Variants in SH3KBP1 observed in about 807,000 individuals in gnomAD.
SH3KBP1 encodes the protein SH3 domain containing kinase binding protein 1.
A neutral mutation model predicts 50.1 loss-of-function variants in SH3KBP1; 8 were observed. That is an observed-to-expected ratio of 0.16 (90% confidence interval 0.09 to 0.29). The LOEUF is 0.29. Among genes scored for constraint, SH3KBP1 ranks in the 10% least tolerant of loss-of-function variants. The pLI, the probability that SH3KBP1 is intolerant of heterozygous loss-of-function variation, is 1.00. For missense variants in SH3KBP1, 377 were observed against 535.2 expected, an observed-to-expected ratio of 0.70 and a Z score of 2.92; for synonymous variants, 227 against 218.6, an observed-to-expected ratio of 1.04 and a Z score of -0.34.
rs185844493 is a variant in SH3KBP1 at position 19,837,047 on chromosome X, T to C, written c.5-765A>G. 8.5e-3 allele frequency among the ~76,000 whole-genome samples: 950 copies of C among 112,136 alleles called. 16 individuals are homozygous for C. Among genetic ancestry groups the C allele is most frequent in the African/African-American group, 0.029 (899 of 30,817 alleles). On this transcript the variant is annotated intron_variant, in intron 1 of 17. Transcript: ENST00000397821. Reference sequence around the variant, plus strand: ...ACTGAGTCAATTAAACCTCTTTCCTTTATAAATTACCCAATCTTGGGTATG... The same window carrying C: ...ACTGAGTCAATTAAACCTCTTTCCTCTATAAATTACCCAATCTTGGGTATG...
chrX:19,595,084 T>C (rs911443073), intron 9 of SH3KBP1, 84 bp from the exon 10 acceptor site: 38 of 715,161 alleles, frequency 5.3e-5, no homozygotes, highest in Admixed American at 7.0e-5. Flanking sequence ...TTGTTTTCTA[T>C]GTGCAGTTTG....
At chrX:19,787,079 CT>C (rs2066371674) in intron 2 of SH3KBP1, among the ~76,000 whole-genome samples, 2 of 111,373 alleles carry the variant, frequency 1.8e-5, no homozygotes, top group Admixed American at 9.6e-5. Flanking sequence ...AGCTGGTATT[CT>C]CCCTCCTCTC....
intron 1 of SH3KBP1, among the ~76,000 whole-genome samples, chrX:19,874,068 A>AAAAAAAAAAAAAATAT (rs1491537486): frequency 1.8e-4 from 10 of 57,025 alleles, no homozygotes; most frequent in African/African-American, 1.4e-3. Context: ...AAAAAAAAAA[A>AAAAAAAAAAAAAATAT]ATATATATAT....
intron 9 of SH3KBP1, 146 bp from the exon 10 acceptor site, chrX:19,595,146 C>A: frequency 2.3e-6 from 1 of 443,367 alleles, no homozygotes; most frequent in Non-Finnish European, 4.0e-6. Flanking sequence ...TCTCCAGGGA[C>A]GTCAGTTTTT....
At chrX:19,544,592 C>T (rs966435689) in intron 15 of SH3KBP1, among the ~76,000 whole-genome samples, 2 of 111,701 alleles carry the variant, frequency 1.8e-5, no homozygotes, top group African/African-American at 3.3e-5. Flanking sequence ...TGCATCCTTG[C>T]GGACCTCCCA....
At chrX:19,789,329 G>A (rs1035378881) in intron 2 of SH3KBP1, among the ~76,000 whole-genome samples, 6 of 110,783 alleles carry the variant, frequency 5.4e-5, no homozygotes, top group Non-Finnish European at 9.5e-5. Context: ...AGGGTGTTGT[G>A]GTCCCTCTTT....
intron 2 of SH3KBP1, among the ~76,000 whole-genome samples, chrX:19,770,117 GGTTT>G (rs1472981801): frequency 9.0e-6 from 1 of 111,500 alleles, no homozygotes; most frequent in East Asian, 2.8e-4. Context: ...GTGTCATGAG[GGTTT>G]GTTGTACAGA....
intron 2 of SH3KBP1, among the ~76,000 whole-genome samples, chrX:19,808,147 G>C (rs1389257511): frequency 2.7e-5 from 3 of 111,020 alleles, no homozygotes; most frequent in Non-Finnish European, 5.7e-5. Context: ...GCCTGCAGGT[G>C]GGGTGAGGGA....
chrX:19,675,106 T>A (rs2062894807), intron 6 of SH3KBP1, among the ~76,000 whole-genome samples: 1 of 110,226 alleles, frequency 9.1e-6, no homozygotes, highest in Non-Finnish European at 1.9e-5. Flanking sequence ...AATAAATAAA[T>A]AAATAGAAAT....
chrX:19,745,290 G>A (rs2064884615), intron 3 of SH3KBP1, among the ~76,000 whole-genome samples: 1 of 112,390 alleles, frequency 8.9e-6, no homozygotes, highest in African/African-American at 3.2e-5. Context: ...GCCAATATTT[G>A]ATCTGAATAA....
At chrX:19,551,550 C>CTTTTTT (rs397800260) in intron 13 of SH3KBP1, among the ~76,000 whole-genome samples, 12 of 95,150 alleles carry the variant, frequency 1.3e-4, no homozygotes, top group African/African-American at 4.7e-4. Flanking sequence ...CTCCCTCCCT[C>CTTTTTT]TTTTTTTTTT....
intron 5 of SH3KBP1, among the ~76,000 whole-genome samples, chrX:19,684,961 T>C (rs1001475486): frequency 8.9e-6 from 1 of 112,624 alleles, no homozygotes; most frequent in Non-Finnish European, 1.9e-5. Context: ...AGTTAATTTC[T>C]GGGTGTATTC....
At chrX:19,804,894 C>T (rs1445540627) in intron 2 of SH3KBP1, among the ~76,000 whole-genome samples, 1 of 87,419 alleles carries the variant, frequency 1.1e-5, no homozygotes, top group Non-Finnish European at 2.3e-5. Context: ...CCCCCCCCCC[C>T]CACCCGCTGC....
chrX:19,789,553 T>G (rs2147166060), intron 2 of SH3KBP1, among the ~76,000 whole-genome samples: 1 of 109,298 alleles, frequency 9.1e-6, no homozygotes. Context: ...CCTCACATGG[T>G]CTTTCCTCTG....
chrX:19,674,770 A>G (rs1441003761), intron 6 of SH3KBP1, among the ~76,000 whole-genome samples: 2 of 111,733 alleles, frequency 1.8e-5, no homozygotes. Flanking sequence ...TTGCAGTTTG[A>G]AATTTGCCAT....
intron 2 of SH3KBP1, among the ~76,000 whole-genome samples, chrX:19,748,186 A>G (rs1232898091): frequency 1.8e-5 from 2 of 112,343 alleles, no homozygotes; most frequent in Admixed American, 9.4e-5. Flanking sequence ...CCACCTAGAC[A>G]CAACGTGATG....
intron 6 of SH3KBP1, among the ~76,000 whole-genome samples, chrX:19,663,714 G>A (rs2148494869): frequency 8.9e-6 from 1 of 111,791 alleles, no homozygotes; most frequent in African/African-American, 3.3e-5. Flanking sequence ...TCCCCCCATA[G>A]GACAACGAAG....
At chrX:19,792,285 T>A (rs889329970) in intron 2 of SH3KBP1, among the ~76,000 whole-genome samples, 2 of 111,560 alleles carry the variant, frequency 1.8e-5, no homozygotes, top group South Asian at 7.5e-4. Context: ...ATTTGGAAAA[T>A]TATTTTTTTA....
chrX:19,600,088 T>A (rs1340145119), intron 9 of SH3KBP1, among the ~76,000 whole-genome samples: 4 of 58,252 alleles, frequency 6.9e-5, no homozygotes, highest in Non-Finnish European at 1.1e-4. Flanking sequence ...TGGGCGAGAC[T>A]CCGTCTCAAA....
Sources: gnomAD v4.1 joint callset for allele counts (sites outside exome capture counted in the v4.1 genomes callset) on GRCh38, gnomAD v4.1.1 for gene constraint, MANE v1.5 for transcripts, NCBI Gene and HGNC (gene_info 2026-07-23, HGNC 2026-07-21) for gene names.